ECHS1: variants seen among roughly 807,000 people sequenced by gnomAD.
ECHS1 encodes the protein enoyl-CoA hydratase, short chain 1.
ECHS1 carries 19 observed loss-of-function variants against 33.5 expected under a neutral mutation model. That is an observed-to-expected ratio of 0.57 (90% CI 0.40 to 0.83). The LOEUF (loss-of-function observed/expected upper bound fraction) is 0.83. Ranked by LOEUF, ECHS1 falls within the 40% of genes least tolerant of loss-of-function variation. The pLI is 0.00. For synonymous variants in ECHS1, 158 were observed against 146.6 expected (o/e 1.08, Z -0.56); for missense variants, 365 against 381.3 (o/e 0.96, Z 0.36).
Position 133,370,045 on chromosome 10 carries a change from A to C in ECHS1, c.287-14T>G. 1.2e-6 allele frequency: 2 copies of C among 1,613,526 alleles called. No homozygotes were observed. The highest frequency in any genetic ancestry group is 1.7e-6 in the Non-Finnish European group (2 of 1,179,840). On this transcript the variant is annotated splice_polypyrimidine_tract_variant and intron_variant, in intron 2 of 7. Transcript: ENST00000368547. ...TATCAGCTCCAGCTAGCAGGAGTGG[A>C]AAGGAGGTTCCAGTTACCAGAGAGC...
At chr10:133,372,497 T>A (rs1218145767) in intron 1 of ECHS1, among the ~76,000 whole-genome samples, 1 of 152,134 alleles carries the variant, frequency 6.6e-6, no homozygotes, top group African/African-American at 2.4e-5. Context: ...TCTCCTGTTC[T>A]CGGGCTGGCC....
intron 1 of ECHS1, chr10:133,371,762 G>A (rs1011247643): frequency 3.2e-5 from 5 of 154,604 alleles, no homozygotes; most frequent in African/African-American, 7.2e-5. Context: ...GCTTGCCTCC[G>A]TTAGTGGCAG....
chr10:133,364,305 G>A (rs1044234087), intron 7 of ECHS1, among the ~76,000 whole-genome samples: 6 of 151,924 alleles, frequency 3.9e-5, no homozygotes, highest in South Asian at 2.1e-4. Context: ...AGTTGGACTC[G>A]AACGACCCGC....
Position 133,368,947 on chromosome 10 carries a change from C to T in ECHS1, c.490G>A (p.Glu164Lys). The T allele has an allele frequency of 6.2e-7, 1 of 1,613,744 alleles. No individual in the cohort carries two copies. The highest frequency in any genetic ancestry group is 1.1e-5 in the South Asian group (1 of 91,080). Reference protein sequence around the residue: ...AGEKAQFAQPEILIGTIPGAG... With the variant: ...AGEKAQFAQPKILIGTIPGAG... ...CCTGGGATGGTTCCTATTAAGATCTCCGGCTGTGCAAACTGGGCCTTCTCA... is the reference window on the plus strand; with the variant it reads ...CCTGGGATGGTTCCTATTAAGATCTTCGGCTGTGCAAACTGGGCCTTCTCA... Residue 164 changes from glutamate to lysine, a missense_variant, in exon 4 of 8, where the codon GAG becomes AAG. By Grantham distance (56) the Glu-to-Lys change is moderately conservative. Transcript: ENST00000368547.
intron 1 of ECHS1, among the ~76,000 whole-genome samples, chr10:133,371,385 G>A (rs745564867): frequency 1.7e-4 from 26 of 152,152 alleles, no homozygotes; most frequent in Admixed American, 3.3e-4. Context: ...CACCACTCTG[G>A]AGACAGCCCT....
chr10:133,371,272 G>A (rs957870871), intron 1 of ECHS1, among the ~76,000 whole-genome samples: 18 of 142,316 alleles, frequency 1.3e-4, no homozygotes, highest in African/African-American at 2.5e-4. Context: ...GTGAGACTCC[G>A]TCTCAAAAAA....
intron 7 of ECHS1, among the ~76,000 whole-genome samples, chr10:133,363,766 C>T (rs1036431876): frequency 1.3e-5 from 2 of 152,048 alleles, no homozygotes; most frequent in Admixed American, 6.6e-5. Flanking sequence ...CCTGGACGAC[C>T]GAGCAAGACT....
chr10:133,364,615 A>C (rs1849005569), intron 7 of ECHS1, 43 bp downstream of exon 7: 2 of 1,453,668 alleles, frequency 1.4e-6, no homozygotes, highest in Non-Finnish European at 1.9e-6. Context: ...AACTTGTGTG[A>C]CTGGAATTTG....
intron 7 of ECHS1, among the ~76,000 whole-genome samples, chr10:133,363,749 A>G (rs1848996578): frequency 6.6e-6 from 1 of 152,242 alleles, no homozygotes; most frequent in African/African-American, 2.4e-5. Context: ...TCACCACTGC[A>G]TTCCAGCCTG....
intron 6 of ECHS1, among the ~76,000 whole-genome samples, chr10:133,365,085 C>T (rs959947917): frequency 3.9e-5 from 6 of 152,224 alleles, no homozygotes; most frequent in African/African-American, 1.2e-4. Context: ...GGAAGGACAG[C>T]ACGAGAGCCA....
In ECHS1 at chr10:133,362,560, T is replaced by G. The variant is rs755107628; in HGVS notation, c.*308A>C. On this transcript the variant is annotated 3_prime_UTR_variant, in exon 8 of 8. Transcript: ENST00000368547. ...AGCGTTTCCCTCAGAGCAGCCCCAT[T>G]CTTCAGCGGCAGGGACACAAGGACC... The G allele has an allele frequency of 2.2e-6, 1 of 462,968 alleles. No homozygotes were observed. Among genetic ancestry groups the G allele is most frequent in the Non-Finnish European group, 3.9e-6 (1 of 254,560 alleles). 28.7% of individuals were successfully genotyped at this position (462,968 alleles called of 1,614,324 possible). A position where few individuals can be genotyped will look rare whatever the true frequency, so the allele number is the denominator to read the frequency against.
chr10:133,365,272 G>A (rs1049780480), intron 6 of ECHS1, among the ~76,000 whole-genome samples: 7 of 152,172 alleles, frequency 4.6e-5, no homozygotes, highest in Admixed American at 1.3e-4. Context: ...CACCTCGGGC[G>A]ACAGCAGCCT....
rs759068105 is a variant in ECHS1, at chr10:133,364,681, G to C, written c.784C>G (p.Leu262Val). 31 of 1,613,854 alleles carry C rather than the reference G, an allele frequency of 1.9e-5. No individual in the cohort carries two copies. The highest frequency in any genetic ancestry group is 2.6e-5 in the Non-Finnish European group (31 of 1,179,820). Residue 262 changes from leucine (L) to valine (V), a missense_variant, in exon 7 of 8, where the codon CTC (leucine) becomes GTC (valine). Leu to Val is a conservative substitution (Grantham distance 32). Coordinates refer to ENST00000368547, the MANE Select transcript of ECHS1 (RefSeq NM_004092.4). ...LTEGSKLEKK[L>V]FYSTFATDDR... ...ACAGTGGCAAAGGTTGAATAAAAGAGTTTCTTCTCCAACTTACTTCCTTCT... is the reference window on the plus strand; with the variant it reads ...ACAGTGGCAAAGGTTGAATAAAAGACTTTCTTCTCCAACTTACTTCCTTCT...
chr10:133,368,853 G>T, intron 4 of ECHS1, 70 bp downstream of exon 4: 1 of 1,424,968 alleles, frequency 7.0e-7, no homozygotes, highest in Non-Finnish European at 9.8e-7. Context: ...TGAGCTGTGG[G>T]CCCTGAGACA....
intron 5 of ECHS1, 43 bp from the exon 6 acceptor site, chr10:133,366,138 CTT>C (rs1235795305): frequency 1.2e-6 from 2 of 1,602,208 alleles, no homozygotes; most frequent in Non-Finnish European, 1.7e-6. Flanking sequence ...AGAAACAGCA[CTT>C]GTCTATCCCT....
chr10:133,370,072 G>C, intron 2 of ECHS1, 41 bp from the exon 3 acceptor site: 1 of 1,611,216 alleles, frequency 6.2e-7, no homozygotes, highest in Non-Finnish European at 8.5e-7. Flanking sequence ...CCAGAGAGCA[G>C]AGAGCCCACC....
At position 133,362,919 on chromosome 10, in the gene ECHS1, T is replaced by C. The variant is rs769198495; in HGVS notation, c.822A>G (p.Glu274=). ...YSTFATDDRK[E]GMTAFVEKRK... ...TCTTTTCCACAAACGCGGTCATCCC[T>C]TCTTTCCGGTCATCCTGGCAGGAAA... The change falls in exon 8 of 8, where the codon GAA becomes GAG. Residue 274 remains glutamate (E), a synonymous_variant. Transcript: ENST00000368547. The C allele has an allele frequency of 3.1e-6, 5 of 1,614,056 alleles. No individual in the cohort carries two copies. The Admixed American group carries it at 8.3e-5, about 27-fold the overall frequency.
intron 6 of ECHS1, among the ~76,000 whole-genome samples, chr10:133,365,060 C>A (rs1346681450): frequency 4.6e-5 from 7 of 152,204 alleles, no homozygotes; most frequent in Admixed American, 1.3e-4. Flanking sequence ...GAAAAATAAC[C>A]AAGGATGAAA....
intron 7 of ECHS1, among the ~76,000 whole-genome samples, 196 bp downstream of exon 7, chr10:133,364,462 T>C (rs1849004283): frequency 6.6e-6 from 1 of 152,184 alleles, no homozygotes; most frequent in African/African-American, 2.4e-5. Context: ...GTTTCTGTAC[T>C]TTTGAACTTG....
Sources: gnomAD v4.1 joint callset for allele counts (sites outside exome capture counted in the v4.1 genomes callset) on GRCh38, gnomAD v4.1.1 for gene constraint, MANE v1.5 for transcripts, NCBI Gene and HGNC (gene_info 2026-07-23, HGNC 2026-07-21) for gene names.